The following SLC35F3 variants were observed in gnomAD, a reference collection of about 807,000 sequenced individuals.
SLC35F3 encodes putative thiamine transporter SLC35F3.
In SLC35F3, 25 loss-of-function variants were observed where a neutral mutation model predicts 49.9. The observed-to-expected ratio is 0.50, with a 90% CI of 0.37 to 0.70. The LOEUF is 0.70. SLC35F3 is among the 30% of genes least tolerant of loss of function. The pLI, the probability that SLC35F3 is intolerant of heterozygous loss-of-function variation, is 0.00. For synonymous variants in SLC35F3, 275 were observed against 265.4 expected (o/e 1.04, Z -0.35); for missense variants, 525 against 639.8 (o/e 0.82, Z 1.94).
chr1:233,908,742 GC>G (rs1435405821), intron 2 of SLC35F3, among the ~76,000 whole-genome samples: 1 of 151,624 alleles, frequency 6.6e-6, no homozygotes, highest in Non-Finnish European at 1.5e-5. Context: ...CACCATGTTG[GC>G]CAGGCTGGTC....
intron 2 of SLC35F3, among the ~76,000 whole-genome samples, chr1:234,193,367 G>A (rs1247385491): frequency 1.3e-5 from 2 of 152,194 alleles, no homozygotes; most frequent in Non-Finnish European, 2.9e-5. Context: ...TCAACAAATG[G>A]TGTGGGGATA....
At chr1:234,099,700 CT>C (rs1665187163) in intron 2 of SLC35F3, among the ~76,000 whole-genome samples, 1 of 151,594 alleles carries the variant, frequency 6.6e-6, no homozygotes, top group Non-Finnish European at 1.5e-5. Context: ...GAGTTGCATT[CT>C]CTTCCAACAC....
chr1:234,279,512 A>C (rs1668268303), intron 3 of SLC35F3, among the ~76,000 whole-genome samples: 1 of 152,192 alleles, frequency 6.6e-6, no homozygotes, highest in Non-Finnish European at 1.5e-5. Context: ...GAGGGCCCAG[A>C]GAGTGAGGGA....
intron 2 of SLC35F3, among the ~76,000 whole-genome samples, chr1:233,995,634 C>G (rs546195156): frequency 9.8e-5 from 15 of 152,292 alleles, no homozygotes; most frequent in African/African-American, 3.6e-4. Flanking sequence ...GGAGGCTTTT[C>G]TTGGACAAGT....
chr1:234,297,985 C>CA (rs111606250), intron 3 of SLC35F3, among the ~76,000 whole-genome samples: 4 of 152,022 alleles, frequency 2.6e-5, no homozygotes, highest in Non-Finnish European at 4.4e-5. Context: ...AACACACACA[C>CA]AAAAAAAGAG....
chr1:233,932,334 C>T (rs987719265), intron 2 of SLC35F3, among the ~76,000 whole-genome samples: 5 of 152,054 alleles, frequency 3.3e-5, no homozygotes, highest in African/African-American at 1.2e-4. Flanking sequence ...TCAGGGGTGG[C>T]AGAGGCATAA....
At chr1:234,246,021 C>G (rs1330846450) in intron 3 of SLC35F3, among the ~76,000 whole-genome samples, 1 of 152,146 alleles carries the variant, frequency 6.6e-6, no homozygotes, top group Non-Finnish European at 1.5e-5. Flanking sequence ...GTGGCAAGAT[C>G]ATCTCGGGGA....
intron 2 of SLC35F3, among the ~76,000 whole-genome samples, chr1:233,933,848 A>G (rs1043235214): frequency 6.6e-6 from 1 of 152,140 alleles, no homozygotes; most frequent in African/African-American, 2.4e-5. Flanking sequence ...GTGAGACTCC[A>G]TCTCAAAAAA....
intron 2 of SLC35F3, among the ~76,000 whole-genome samples, chr1:234,116,386 A>T (rs955206194): frequency 1.1e-4 from 16 of 152,090 alleles, no homozygotes; most frequent in Non-Finnish European, 1.5e-4. Context: ...CCAAATAAAT[A>T]TTTCTTATTA....
chr1:233,915,625 C>T (rs892715264), intron 2 of SLC35F3, among the ~76,000 whole-genome samples: 9 of 152,010 alleles, frequency 5.9e-5, no homozygotes, highest in Admixed American at 2.0e-4. Flanking sequence ...GTCTGTTTCA[C>T]GCTGCTAATA....
intron 2 of SLC35F3, among the ~76,000 whole-genome samples, chr1:234,113,101 G>T (rs567167732): frequency 1.3e-5 from 2 of 152,158 alleles, no homozygotes; most frequent in Admixed American, 6.5e-5. Context: ...AGAAAGAAAA[G>T]AAATAACTAT....
intron 2 of SLC35F3, among the ~76,000 whole-genome samples, chr1:234,163,954 G>C (rs924423313): frequency 3.3e-5 from 5 of 151,824 alleles, no homozygotes; most frequent in Admixed American, 2.0e-4. Context: ...AGGAATAAAA[G>C]GAATATTTCT....
In SLC35F3 at chr1:234,099,078, C is replaced by A. The variant is rs547501717; in HGVS notation, c.284-132339C>A. Reference sequence around the variant, plus strand: ...GAGTGGCAATAAATTGTTGTTTTCACCATAGTCCTTTCCTATATTCCACAT... The same window carrying A: ...GAGTGGCAATAAATTGTTGTTTTCAACATAGTCCTTTCCTATATTCCACAT... On this transcript the variant is annotated intron_variant, in intron 2 of 7. Coordinates refer to ENST00000366618, the MANE Select transcript of SLC35F3 (RefSeq NM_173508.4). Among the ~76,000 whole-genome samples, 304 of 152,148 alleles carry A rather than the reference C, an allele frequency of 2.0e-3. 2 individuals are homozygous for A. The South Asian group carries it at 0.023, about 11-fold the overall frequency.
At chr1:234,315,470 T>A (rs1657467012) in intron 4 of SLC35F3, among the ~76,000 whole-genome samples, 1 of 152,242 alleles carries the variant, frequency 6.6e-6, no homozygotes, top group Non-Finnish European at 1.5e-5. Context: ...GAAATCTGAC[T>A]GTGCTCTTCC....
intron 2 of SLC35F3, among the ~76,000 whole-genome samples, chr1:233,960,664 A>G (rs995009537): frequency 1.3e-5 from 2 of 152,144 alleles, no homozygotes; most frequent in Non-Finnish European, 2.9e-5. Context: ...CAGATTTCCC[A>G]ATTATAAATG....
chr1:234,131,344 C>T (rs1173344573), intron 2 of SLC35F3, among the ~76,000 whole-genome samples: 2 of 152,164 alleles, frequency 1.3e-5, no homozygotes, highest in African/African-American at 2.4e-5. Context: ...GTAGAGGTAG[C>T]TGGGCCCTGG....
At chr1:234,148,527 C>T (rs1276859830) in intron 2 of SLC35F3, among the ~76,000 whole-genome samples, 1 of 152,032 alleles carries the variant, frequency 6.6e-6, no homozygotes, top group Non-Finnish European at 1.5e-5. Flanking sequence ...TGGCATATCA[C>T]ATCTAGAGAG....
intron 2 of SLC35F3, among the ~76,000 whole-genome samples, chr1:234,125,726 C>A (rs1441303950): frequency 5.9e-5 from 9 of 152,188 alleles, no homozygotes; most frequent in Non-Finnish European, 1.2e-4. Context: ...GGTGACACTT[C>A]AGAGAAATTT....
intron 2 of SLC35F3, among the ~76,000 whole-genome samples, chr1:234,228,671 A>AGT (rs140387460): frequency 1.3e-5 from 2 of 151,918 alleles, no homozygotes; most frequent in Admixed American, 6.6e-5. Context: ...CCAATTTTTC[A>AGT]GTGTGTGTGT....
Sources: gnomAD v4.1 joint callset for allele counts (sites outside exome capture counted in the v4.1 genomes callset) on GRCh38, gnomAD v4.1.1 for gene constraint, MANE v1.5 for transcripts, NCBI Gene and HGNC (gene_info 2026-07-23, HGNC 2026-07-21) for gene names.